The following SYT2 variants were observed in gnomAD, a reference collection of about 807,000 sequenced individuals.
SYT2 encodes synaptotagmin-2.
A neutral mutation model predicts 39.9 loss-of-function variants in SYT2; 15 were observed. The ratio of observed to expected loss-of-function variants is 0.38; its 90% confidence interval spans 0.25 to 0.58. The LOEUF (loss-of-function observed/expected upper bound fraction) is 0.58. Ranked by LOEUF, SYT2 falls within the 20% of genes least tolerant of loss-of-function variation. SYT2 has a pLI of 0.70. For synonymous variants in SYT2, 181 were observed against 204.5 expected (o/e 0.89, Z 0.98); for missense variants, 389 against 530.3 (o/e 0.73, Z 2.62).
At position 202,599,531 on chromosome 1, in the gene SYT2, C is replaced by G. The variant is rs1163724717; in HGVS notation, c.920-180G>C. Reference sequence around the variant, plus strand: ...CAAAGGTGGCAAAAGGCTTCACCTCCAGGACCAACTGTGACCAGTTGGTTG... The same window carrying G: ...CAAAGGTGGCAAAAGGCTTCACCTCGAGGACCAACTGTGACCAGTTGGTTG... On this transcript the variant is annotated intron_variant, in intron 7 of 8. Coordinates refer to ENST00000367268, the MANE Select transcript of SYT2 (RefSeq NM_177402.5). The surrounding 1 kb of genome is among the most constrained non-coding windows in gnomAD (Gnocchi z 4.4). 6.6e-6 allele frequency among the ~76,000 whole-genome samples: 1 copy of G among 152,132 alleles called. No homozygotes were observed. Among genetic ancestry groups the G allele is most frequent in the Non-Finnish European group, 1.5e-5 (1 of 68,036 alleles).
chr1:202,690,073 C>T (rs766023159), intron 1 of SYT2, among the ~76,000 whole-genome samples: 4 of 149,760 alleles, frequency 2.7e-5, no homozygotes, highest in Admixed American at 6.6e-5. Flanking sequence ...GAGCTGGGGA[C>T]GCAGCAACGG....
rs1262747219 is a variant in SYT2, at chr1:202,592,605, T to A, written c.*4152A>T. 6.6e-6 allele frequency: 1 copy of A among 152,218 alleles called. No homozygotes were observed. The highest frequency in any genetic ancestry group is 2.4e-5 in the African/African-American group (1 of 41,456). The allele number at this position is 152,218 out of a possible 1,614,324, so 9.4% of individuals were successfully genotyped here. A position where few individuals can be genotyped will look rare whatever the true frequency, so the allele number is the denominator to read the frequency against. On this transcript the variant is annotated 3_prime_UTR_variant, in exon 9 of 9. Transcript: ENST00000367268. The stretch of plus-strand genomic sequence containing the variant: ...GGTAATTATCTTCTTTTATATATAA[T>A]TAAATATACACGGATGGGGGCAGAT...
intron 1 of SYT2, among the ~76,000 whole-genome samples, chr1:202,612,219 T>G (rs1175648857): frequency 6.6e-6 from 1 of 152,136 alleles, no homozygotes; most frequent in Admixed American, 6.5e-5. Flanking sequence ...ATATGAGGGT[T>G]TATTTCTGGA....
At position 202,628,369 on chromosome 1, in the gene SYT2, G is replaced by A. The variant is rs1691477169; in HGVS notation, c.-17-22580C>T. On this transcript the variant is annotated intron_variant, in intron 1 of 8. Coordinates refer to ENST00000367268, the MANE Select transcript of SYT2 (RefSeq NM_177402.5). The surrounding 1 kb of genome is among the most constrained non-coding windows in gnomAD (Gnocchi z 4.2). Reference sequence around the variant, plus strand: ...GGAGCCCAGCCTGCTCTCAGTGGGAGCTGGGAGCCAGCATCCCAGGCAGGG... The same window carrying A: ...GGAGCCCAGCCTGCTCTCAGTGGGAACTGGGAGCCAGCATCCCAGGCAGGG... Among the ~76,000 whole-genome samples, 1 of 152,160 alleles carries A rather than the reference G, an allele frequency of 6.6e-6. No homozygotes were observed. The highest frequency in any genetic ancestry group is 6.5e-5 in the Admixed American group (1 of 15,282).
intron 1 of SYT2, among the ~76,000 whole-genome samples, chr1:202,666,587 G>A (rs553504560): frequency 6.6e-6 from 1 of 152,170 alleles, no homozygotes; most frequent in African/African-American, 2.4e-5. Context: ...AGCCCAAAGT[G>A]AATGACTTTA....
intron 1 of SYT2, among the ~76,000 whole-genome samples, chr1:202,700,893 A>G (rs1450999460): frequency 6.6e-6 from 1 of 152,196 alleles, no homozygotes; most frequent in East Asian, 1.9e-4. Context: ...CTGCTCCCCA[A>G]GTGGTAGCTT....
chr1:202,680,931 GAGA>G (rs1032620490), intron 1 of SYT2, among the ~76,000 whole-genome samples: 10 of 152,190 alleles, frequency 6.6e-5, no homozygotes, highest in Admixed American at 1.3e-4. Context: ...TGAGGAGCAA[GAGA>G]AGAACCCTTG....
chr1:202,663,846 ACTGGGCT>A (rs1692434173), intron 1 of SYT2, among the ~76,000 whole-genome samples: 1 of 152,108 alleles, frequency 6.6e-6, no homozygotes, highest in East Asian at 1.9e-4. Context: ...TGCTCTGTCT[ACTGGGCT>A]CTTAGAGGAA....
chr1:202,671,532 G>C (rs778028201), intron 1 of SYT2, among the ~76,000 whole-genome samples: 6 of 152,248 alleles, frequency 3.9e-5, no homozygotes, highest in Middle Eastern at 3.2e-3. Flanking sequence ...CAAAAACCCA[G>C]AGCTGGAAGT....
At chr1:202,652,696 A>G (rs1316060321) in intron 1 of SYT2, among the ~76,000 whole-genome samples, 1 of 152,198 alleles carries the variant, frequency 6.6e-6, no homozygotes, top group Non-Finnish European at 1.5e-5. Context: ...GCCGGGCATC[A>G]GTCATTCTCC....
intron 1 of SYT2, among the ~76,000 whole-genome samples, chr1:202,646,633 A>C (rs1426896643): frequency 1.3e-5 from 2 of 152,198 alleles, no homozygotes; most frequent in Non-Finnish European, 2.9e-5. Flanking sequence ...CTCACCTGCG[A>C]CATGGGGATT....
chr1:202,597,943 G>C (rs1690359092), intron 8 of SYT2, among the ~76,000 whole-genome samples: 1 of 152,194 alleles, frequency 6.6e-6, no homozygotes, highest in South Asian at 2.1e-4. Context: ...AGCCAACTCA[G>C]ATTTGTCCTT....
intron 1 of SYT2, among the ~76,000 whole-genome samples, chr1:202,606,501 C>CA (rs1360797908): frequency 6.6e-6 from 1 of 152,204 alleles, no homozygotes; most frequent in Non-Finnish European, 1.5e-5. Context: ...TCCCTGACTC[C>CA]AATTCCTCCT....
chr1:202,643,066 G>A (rs1463666893), intron 1 of SYT2, among the ~76,000 whole-genome samples: 2 of 152,196 alleles, frequency 1.3e-5, no homozygotes, highest in African/African-American at 2.4e-5. Context: ...ATGGATTTCC[G>A]GATTACAGTT....
At chr1:202,631,486 G>GC (rs1691591011) in intron 1 of SYT2, among the ~76,000 whole-genome samples, 1 of 152,096 alleles carries the variant, frequency 6.6e-6, no homozygotes, top group African/African-American at 2.4e-5. Flanking sequence ...CTTCCCAGCG[G>GC]CCCCTCCCCC....
chr1:202,707,193 C>T (rs1231277739), intron 1 of SYT2, among the ~76,000 whole-genome samples: 2 of 152,134 alleles, frequency 1.3e-5, no homozygotes, highest in African/African-American at 4.8e-5. Flanking sequence ...ATGTGTAGGG[C>T]CTGCGGCTGT....
chr1:202,709,993 TC>T (rs1654355749), intron 1 of SYT2, among the ~76,000 whole-genome samples: 2 of 150,578 alleles, frequency 1.3e-5, no homozygotes, highest in African/African-American at 4.9e-5. Context: ...CGGGAGGAAA[TC>T]TGCCCCCAGC....
chr1:202,625,248 G>T (rs1281589054), intron 1 of SYT2, among the ~76,000 whole-genome samples: 1 of 128,546 alleles, frequency 7.8e-6, no homozygotes, highest in Non-Finnish European at 1.6e-5. Context: ...TGGTGTGTGT[G>T]TGGTGTGTGT....
intron 1 of SYT2, among the ~76,000 whole-genome samples, chr1:202,705,069 C>T (rs4072661): frequency 0.054 from 8,173 of 152,352 alleles, 421 homozygotes; most frequent in East Asian, 0.17. Context: ...CACCTGTATT[C>T]TCGGGCTCCA....
Sources: allele counts gnomAD v4.1 joint callset (sites outside exome capture counted in the v4.1 genomes callset), GRCh38; gene constraint gnomAD v4.1.1; non-coding constraint Gnocchi (gnomAD v3.1); transcripts MANE v1.5; gene names NCBI Gene and HGNC (gene_info 2026-07-23, HGNC 2026-07-21).